Variants in RNLS observed in about 807,000 individuals in gnomAD.
RNLS encodes renalase, FAD dependent amine oxidase.
A neutral mutation model predicts 39.8 loss-of-function variants in RNLS; 39 were observed. That is an observed-to-expected ratio of 0.98 (90% CI 0.76 to 1.28). The LOEUF (loss-of-function observed/expected upper bound fraction) is 1.28, where lower values mean the gene tolerates loss of function less well. Ranked by LOEUF, RNLS falls within the 50% of genes most tolerant of loss-of-function variation. The pLI is 0.00. For missense variants in RNLS, 410 were observed against 413.3 expected (o/e 0.99, Z 0.07); for synonymous variants, 147 against 150.7 (o/e 0.98, Z 0.18).
At chr10:88,527,412 C>T (rs1272976519) in intron 4 of RNLS, among the ~76,000 whole-genome samples, 1 of 152,140 alleles carries the variant, frequency 6.6e-6, no homozygotes, top group Non-Finnish European at 1.5e-5. Flanking sequence ...GGGATAAAAT[C>T]CAAGCCCTGC....
At chr10:88,353,411 T>G (rs4586059) in intron 5 of RNLS, among the ~76,000 whole-genome samples, 35,030 of 152,106 alleles carry the variant, frequency 0.23, 4,631 homozygotes, top group Non-Finnish European at 0.28. Context: ...GTATGTTGTG[T>G]CTTTGTTCTC....
At chr10:88,483,049 C>G (rs1246986092) in intron 4 of RNLS, among the ~76,000 whole-genome samples, 1 of 151,948 alleles carries the variant, frequency 6.6e-6, no homozygotes, top group Non-Finnish European at 1.5e-5. Flanking sequence ...AATTTTTAAA[C>G]CTGGATTCCT....
In RNLS at chr10:88,582,473, A is replaced by G. The variant is rs371366033; in HGVS notation, c.119-166T>C. ...TGTGAGATTTTAGAAGGAGTCATGAACAATGTAACAGTGTCCAGCACCATT... is the reference window on the plus strand; with the variant it reads ...TGTGAGATTTTAGAAGGAGTCATGAGCAATGTAACAGTGTCCAGCACCATT... On this transcript the variant is annotated intron_variant, in intron 1 of 6. Transcript: ENST00000331772. 8.4e-4 allele frequency among the ~76,000 whole-genome samples: 128 copies of G among 152,378 alleles called. 1 individual carries two copies. Among genetic ancestry groups the G allele is most frequent in the African/African-American group, 2.8e-3 (115 of 41,598 alleles).
the RNLS span, among the ~76,000 whole-genome samples, chr10:88,247,751 A>C: frequency 1.3e-5 from 2 of 152,230 alleles, no homozygotes; most frequent in African/African-American, 2.4e-5. Flanking sequence ...GCTGACTTTA[A>C]GATTAACCTG....
chr10:88,373,891 G>A (rs185566529), intron 4 of RNLS, among the ~76,000 whole-genome samples: 31 of 152,026 alleles, frequency 2.0e-4, no homozygotes, highest in Admixed American at 1.2e-3. Context: ...TTGCATTTCT[G>A]ACCCTCAGCA....
intron 6 of RNLS, among the ~76,000 whole-genome samples, chr10:88,311,830 C>T (rs187024257): frequency 1.3e-3 from 203 of 152,248 alleles, no homozygotes; most frequent in Non-Finnish European, 1.5e-3. Context: ...TATGGATATG[C>T]GACATTAGGA....
chr10:88,318,353 C>T (rs1032670238), intron 5 of RNLS, among the ~76,000 whole-genome samples: 19 of 152,186 alleles, frequency 1.2e-4, no homozygotes, highest in East Asian at 5.8e-4. Context: ...TGGCACCAAT[C>T]GGTGAAGGGG....
At chr10:88,525,500 C>T (rs1847057079) in intron 4 of RNLS, among the ~76,000 whole-genome samples, 2 of 151,924 alleles carry the variant, frequency 1.3e-5, no homozygotes, top group African/African-American at 4.8e-5. Flanking sequence ...ACTATGTTTA[C>T]AAATAGTGCT....
At chr10:88,257,699 T>C in the RNLS span, among the ~76,000 whole-genome samples, 1 of 152,150 alleles carries the variant, frequency 6.6e-6, no homozygotes, top group African/African-American at 2.4e-5. Context: ...CTAGGGCCAG[T>C]GAGAAAATCT....
At position 88,496,362 on chromosome 10, in the gene RNLS, C is replaced by T. The variant is rs140448506; in HGVS notation, c.526+76541G>A. Among the ~76,000 whole-genome samples the T allele has an allele frequency of 1.6e-3, 247 of 152,196 alleles. 1 individual carries two copies. The Middle Eastern group carries it at 0.02, about 13-fold the overall frequency. On this transcript the variant is annotated intron_variant, in intron 4 of 6. Coordinates refer to ENST00000331772, the MANE Select transcript of RNLS (RefSeq NM_001031709.3). Reference sequence around the variant, plus strand: ...GAGAACTATTTAGAATTTCATTAACCTGGCAAATGCTAAACCCAGTGCACG... The same window carrying T: ...GAGAACTATTTAGAATTTCATTAACTTGGCAAATGCTAAACCCAGTGCACG...
At chr10:88,229,779 G>A in the RNLS span, among the ~76,000 whole-genome samples, 1 of 152,166 alleles carries the variant, frequency 6.6e-6, no homozygotes, top group East Asian at 1.9e-4. Context: ...GTGGCCTTTT[G>A]TGTCTCGCTT....
intron 4 of RNLS, among the ~76,000 whole-genome samples, chr10:88,392,940 T>C (rs991222634): frequency 1.3e-5 from 2 of 152,142 alleles, no homozygotes; most frequent in Admixed American, 1.3e-4. Context: ...AAAAACCACA[T>C]GATTATCTCA....
chr10:88,471,580 C>T (rs1026546227), intron 4 of RNLS, among the ~76,000 whole-genome samples: 1 of 152,130 alleles, frequency 6.6e-6, no homozygotes, highest in Non-Finnish European at 1.5e-5. Flanking sequence ...GTCACGAGTT[C>T]CCAAGGCCAC....
chr10:88,250,054 C>T, the RNLS span, among the ~76,000 whole-genome samples: 3,274 of 152,256 alleles, frequency 0.022, 70 homozygotes, highest in Middle Eastern at 0.058. Flanking sequence ...CTGTTGTTTG[C>T]GCTATTAAAG....
intron 5 of RNLS, among the ~76,000 whole-genome samples, chr10:88,338,758 C>CTTTTTT (rs36061512): frequency 8.0e-5 from 9 of 112,492 alleles, no homozygotes; most frequent in African/African-American, 9.6e-5. Context: ...GCTAGATTTC[C>CTTTTTT]TTTTTTTTTT....
intron 4 of RNLS, among the ~76,000 whole-genome samples, chr10:88,408,661 GCA>G (rs1427649260): frequency 1.3e-5 from 2 of 151,812 alleles, no homozygotes; most frequent in African/African-American, 4.8e-5. Flanking sequence ...TTTATATAAT[GCA>G]ATTTATTTAT....
At chr10:88,426,966 T>G (rs1400209934) in intron 4 of RNLS, among the ~76,000 whole-genome samples, 2 of 151,962 alleles carry the variant, frequency 1.3e-5, no homozygotes, top group East Asian at 1.9e-4. Context: ...GTAATGGTGG[T>G]TAGAATTACA....
chr10:88,254,097 TC>T, the RNLS span, among the ~76,000 whole-genome samples: 1 of 152,184 alleles, frequency 6.6e-6, no homozygotes. Flanking sequence ...ATTTTGCACA[TC>T]TTCACATTTT....
chr10:88,445,619 A>T (rs887492214), intron 4 of RNLS, among the ~76,000 whole-genome samples: 10 of 152,318 alleles, frequency 6.6e-5, no homozygotes, highest in Admixed American at 2.0e-4. Flanking sequence ...ATGGAGGAAG[A>T]TCTACCAAGC....
Sources: gnomAD v4.1 joint callset for allele counts (sites outside exome capture counted in the v4.1 genomes callset) on GRCh38, gnomAD v4.1.1 for gene constraint, MANE v1.5 for transcripts, NCBI Gene and HGNC (gene_info 2026-07-23, HGNC 2026-07-21) for gene names.